ALG14: variants seen among roughly 807,000 people sequenced by gnomAD.
ALG14 encodes the protein UDP-N-acetylglucosamine transferase subunit ALG14.
Under a neutral mutation model 22.8 loss-of-function variants are expected in ALG14, and 17 were observed. The observed-to-expected ratio is 0.75, with a 90% CI of 0.51 to 1.12. The LOEUF is 1.12. Ranked by LOEUF, ALG14 falls within the 50% of genes most tolerant of loss-of-function variation. The pLI is 0.00. For synonymous variants in ALG14, 89 were observed against 103.7 expected, an observed-to-expected ratio of 0.86 and a Z score of 0.86; for missense variants, 288 against 271.8, an observed-to-expected ratio of 1.06 and a Z score of -0.42.
chr1:95,064,193 G>T (rs565982355), intron 2 of ALG14, among the ~76,000 whole-genome samples: 1 of 152,246 alleles, frequency 6.6e-6, no homozygotes, highest in South Asian at 2.1e-4. Context: ...GAGACAATGG[G>T]ATTTTCTAGA....
At chr1:95,010,299 T>C (rs969454205) in intron 3 of ALG14, among the ~76,000 whole-genome samples, 20 of 152,204 alleles carry the variant, frequency 1.3e-4, no homozygotes, top group African/African-American at 4.8e-4. Context: ...CAAATCAATG[T>C]TTATAGCTCA....
At chr1:95,026,132 T>C (rs889592147) in intron 3 of ALG14, among the ~76,000 whole-genome samples, 23 of 152,098 alleles carry the variant, frequency 1.5e-4, no homozygotes, top group African/African-American at 5.1e-4. Flanking sequence ...CAGGGTTTCA[T>C]TGTGTTAGCC....
intron 3 of ALG14, among the ~76,000 whole-genome samples, chr1:95,009,395 T>C (rs563360790): frequency 2.0e-5 from 3 of 152,180 alleles, no homozygotes; most frequent in South Asian, 4.1e-4. Context: ...CTATAGTAAG[T>C]AGAGCAGAGA....
At chr1:95,062,465 A>G (rs765099133) in intron 2 of ALG14, among the ~76,000 whole-genome samples, 1 of 151,980 alleles carries the variant, frequency 6.6e-6, no homozygotes, top group Non-Finnish European at 1.5e-5. Flanking sequence ...CCTCCCTTCA[A>G]CAGGCCCCAA....
intron 2 of ALG14, among the ~76,000 whole-genome samples, chr1:95,055,556 T>C (rs1469810044): frequency 6.6e-6 from 1 of 152,030 alleles, no homozygotes; most frequent in African/African-American, 2.4e-5. Flanking sequence ...AGATGAAGTT[T>C]CTGGATAGGA....
chr1:95,069,215 G>T (rs945100123), intron 1 of ALG14, among the ~76,000 whole-genome samples: 1 of 152,172 alleles, frequency 6.6e-6, no homozygotes, highest in East Asian at 1.9e-4. Flanking sequence ...GCGGTGGCAC[G>T]TGCCTGTGGT....
At chr1:95,018,985 C>G (rs1366644148) in intron 3 of ALG14, among the ~76,000 whole-genome samples, 1 of 152,216 alleles carries the variant, frequency 6.6e-6, no homozygotes, top group Non-Finnish European at 1.5e-5. Context: ...CATGTGACAC[C>G]TGTCTTTAGA....
intron 2 of ALG14, among the ~76,000 whole-genome samples, chr1:95,030,099 C>T (rs568256503): frequency 2.0e-5 from 3 of 152,264 alleles, no homozygotes; most frequent in South Asian, 4.1e-4. Context: ...TTCTCAGAAA[C>T]CTTTTGGGTC....
At chr1:95,055,711 G>A (rs1048593543) in intron 2 of ALG14, among the ~76,000 whole-genome samples, 4 of 151,290 alleles carry the variant, frequency 2.6e-5, no homozygotes, top group Admixed American at 1.3e-4. Context: ...AAAACACCTC[G>A]GCCGGGTGTG....
Position 95,064,973 on chromosome 1 carries a change from T to C in ALG14, c.181A>G (p.Asn61Asp), listed in dbSNP as rs577399329. Residue 61 changes from asparagine to aspartate, a missense_variant, in exon 2 of 4, where the codon AAT (asparagine) becomes GAT (aspartate). Physicochemically the swap from Asn to Asp is conservative, Grantham distance 23 (BLOSUM62 1). Transcript: ENST00000370205. The stretch of plus-strand genomic sequence containing the variant: ...ACATAATGTCTAGGTGAGTAGGCAT[T>C]GGACAAGCTCCCAAGCAGCCTCAGG... ...EILRLLGSLS[N>D]AYSPRHYVIA... 80 of 1,613,846 alleles carry C rather than the reference T, an allele frequency of 5.0e-5. No individual in the cohort carries two copies. Among genetic ancestry groups the C allele is most frequent in the African/African-American group, 2.0e-4 (15 of 75,046 alleles).
At chr1:95,022,334 T>G in intron 3 of ALG14, 14 of 985,466 alleles carry the variant, frequency 1.4e-5, no homozygotes, top group Non-Finnish European at 1.7e-5. Flanking sequence ...TCAGCCAATG[T>G]GTCAGTGGCA....
At chr1:95,017,732 C>A (rs1188212021) in intron 3 of ALG14, among the ~76,000 whole-genome samples, 1 of 152,092 alleles carries the variant, frequency 6.6e-6, no homozygotes, top group Non-Finnish European at 1.5e-5. Context: ...ACAGGTGCTC[C>A]CTAAGGAAAC....
chr1:95,002,984 T>G (rs1318622928), intron 3 of ALG14, among the ~76,000 whole-genome samples: 2 of 152,216 alleles, frequency 1.3e-5, no homozygotes, highest in Non-Finnish European at 2.9e-5. Context: ...ATGAAAGCAC[T>G]TAAGTGTGAG....
chr1:95,055,927 A>G (rs1376296624), intron 2 of ALG14, among the ~76,000 whole-genome samples: 1 of 149,516 alleles, frequency 6.7e-6, no homozygotes, highest in Non-Finnish European at 1.5e-5. Context: ...GGAGAATGGC[A>G]TGAACCCAGG....
At chr1:95,070,057 A>T (rs1470282100) in intron 1 of ALG14, among the ~76,000 whole-genome samples, 2 of 152,176 alleles carry the variant, frequency 1.3e-5, no homozygotes, top group Non-Finnish European at 2.9e-5. Flanking sequence ...AATTAATTAA[A>T]TTAAAAAAAT....
At chr1:95,066,526 AT>A (rs966032803) in intron 1 of ALG14, among the ~76,000 whole-genome samples, 24 of 151,102 alleles carry the variant, frequency 1.6e-4, no homozygotes, top group Non-Finnish European at 2.1e-4. Flanking sequence ...CCAAGCCCAC[AT>A]TTTTTTTTAA....
chr1:94,987,061 G>C (rs1234472607), intron 3 of ALG14, among the ~76,000 whole-genome samples: 1 of 152,140 alleles, frequency 6.6e-6, no homozygotes, highest in African/African-American at 2.4e-5. Flanking sequence ...AACTGAGGAG[G>C]ATGTGGCCTT....
rs1220514404 is a variant in ALG14, at chr1:94,983,206, C to G, written c.521G>C (p.Ser174Thr). 1 of 1,614,138 alleles carries G rather than the reference C, an allele frequency of 6.2e-7. No homozygotes were observed. Among genetic ancestry groups the G allele is most frequent in the East Asian group, 2.2e-5 (1 of 44,880 alleles). Residue 174 changes from serine to threonine, a missense_variant, in exon 4 of 4, where the codon AGC becomes ACC. Coordinates refer to ENST00000370205, the MANE Select transcript of ALG14 (RefSeq NM_144988.4). ...GGATAACGTTTCTACACGGCAGATG[C>G]TTTCAACGTAGACAATGATCACTTT... ...IKKVIIVYVE[S>T]ICRVETLSMS...
At chr1:95,043,735 GAGGAGA>G (rs553268797) in intron 2 of ALG14, among the ~76,000 whole-genome samples, 6 of 152,128 alleles carry the variant, frequency 3.9e-5, no homozygotes, top group African/African-American at 1.4e-4. Flanking sequence ...GGAAGGTAGA[GAGGAGA>G]AGGAAAAGAA....
Sources: gnomAD v4.1 joint callset for allele counts (sites outside exome capture counted in the v4.1 genomes callset) on GRCh38, gnomAD v4.1.1 for gene constraint, MANE v1.5 for transcripts, NCBI Gene and HGNC (gene_info 2026-07-23, HGNC 2026-07-21) for gene names.